Variants in RUBCN observed in about 807,000 individuals in gnomAD.
RUBCN encodes run domain Beclin-1-interacting and cysteine-rich domain-containing protein.
RUBCN carries 74 observed loss-of-function variants against 113.2 expected under a neutral mutation model. The ratio of observed to expected loss-of-function variants is 0.65; its 90% CI spans 0.54 to 0.79. The LOEUF (loss-of-function observed/expected upper bound fraction) is 0.79, where lower values mean the gene tolerates loss of function less well. RUBCN is among the 30% of genes least tolerant of loss of function. The pLI, the probability that RUBCN is intolerant of heterozygous loss-of-function variation, is 0.00. For synonymous variants in RUBCN, 480 were observed against 490.0 expected (o/e 0.98, Z 0.27); for missense variants, 1,109 against 1,251.7 (o/e 0.89, Z 1.72).
At chr3:197,679,303 A>C (rs1252567084) in intron 16 of RUBCN, among the ~76,000 whole-genome samples, 7 of 145,956 alleles carry the variant, frequency 4.8e-5, no homozygotes, top group East Asian at 2.1e-4. Context: ...CTGGCTTCAG[A>C]CTGTCCTACG....
At chr3:197,692,788 T>C (rs1215913477) in intron 11 of RUBCN, among the ~76,000 whole-genome samples, 2 of 152,228 alleles carry the variant, frequency 1.3e-5, no homozygotes, top group African/African-American at 4.8e-5. Context: ...AGTTTCTGAA[T>C]GGGAAGAAAC....
At chr3:197,720,533 G>A (rs1379314209) in intron 1 of RUBCN, among the ~76,000 whole-genome samples, 4 of 151,846 alleles carry the variant, frequency 2.6e-5, no homozygotes, top group South Asian at 2.1e-4. Flanking sequence ...TCAGCCTCCC[G>A]TGTAGCTGGG....
At position 197,718,033 on chromosome 3, in the gene RUBCN, C is replaced by G. The variant is rs1725739259; in HGVS notation, c.163G>C (p.Glu55Gln). ...CTCTGCATGTCCCTGCAAAGCCGCTCCAAGCCACCATACTTAGACCAGACG... is the reference window on the plus strand; with the variant it reads ...CTCTGCATGTCCCTGCAAAGCCGCTGCAAGCCACCATACTTAGACCAGACG... ...PNVWSKYGGL[E>Q]RLCRDMQSIL... Residue 55 changes from glutamate to glutamine, a missense_variant, in exon 2 of 20, where the codon GAG (glutamate) becomes CAG (glutamine). Physicochemically the swap from Glu to Gln is conservative, Grantham distance 29. Around this residue, in one of 3 missense-constraint regions of RUBCN, gnomAD observed 736 missense variants for 779.6 expected, o/e 0.94. Transcript: ENST00000296343. 3 of 1,614,170 alleles carry G rather than the reference C, an allele frequency of 1.9e-6. No homozygotes were observed. Among genetic ancestry groups the G allele is most frequent in the Middle Eastern group, 3.3e-4 (2 of 6,040 alleles).
intron 1 of RUBCN, 80 bp downstream of exon 1, chr3:197,736,575 C>CCG: frequency 2.1e-6 from 3 of 1,426,960 alleles, no homozygotes; most frequent in Non-Finnish European, 2.9e-6. Context: ...GCCCTTCTCT[C>CCG]CGTGACCCCG....
chr3:197,735,152 G>A (rs1471078821), intron 1 of RUBCN, among the ~76,000 whole-genome samples: 1 of 152,216 alleles, frequency 6.6e-6, no homozygotes, highest in Non-Finnish European at 1.5e-5. Context: ...AGCACTTTGG[G>A]AGGCCGACGT....
In RUBCN at chr3:197,681,268, C is replaced by T. The variant is rs200471190; in HGVS notation, c.2291G>A (p.Arg764His). The change falls in exon 16 of 20, where the codon CGC (arginine) becomes CAC (histidine). Residue 764 changes from arginine to histidine, a missense_variant. By Grantham distance (29) the Arg-to-His change is conservative (BLOSUM62 0). Transcript: ENST00000296343. This position sits in a 1 kb window ranked among gnomAD's most constrained non-coding sequence, Gnocchi z 5.5. ...GTAGTACTTGCTGAAGTCCCACTTG[C>T]GCAGAACCCGGCTGGGGATGGCCAT... ...AQMAIPSRVLRKWDFSKYYVS... is the reference protein window; with the variant it reads ...AQMAIPSRVLHKWDFSKYYVS... The T allele has an allele frequency of 5.9e-5, 96 of 1,614,040 alleles. No individual in the cohort carries two copies. Among genetic ancestry groups the T allele is most frequent in the Admixed American group, 8.3e-5 (5 of 59,998 alleles).
At chr3:197,749,711 C>T, upstream of RUBCN, 1 of 632,700 alleles carries the variant, frequency 1.6e-6, no homozygotes, top group Non-Finnish European at 2.9e-6. Flanking sequence ...CAACGGCGGT[C>T]CTCGCGAGCG....
At chr3:197,745,390 C>T (rs1223509578) in intron 1 of RUBCN, among the ~76,000 whole-genome samples, 16 of 150,294 alleles carry the variant, frequency 1.1e-4, no homozygotes, top group African/African-American at 2.9e-4. Flanking sequence ...CTGAGGCGGG[C>T]GGATTACCTG....
chr3:197,681,925 T>C lies in RUBCN; in HGVS notation c.2127-26A>G. The C allele has an allele frequency of 1.9e-6, 3 of 1,596,368 alleles. No individual in the cohort carries two copies. Among genetic ancestry groups the C allele is most frequent in the Non-Finnish European group, 2.6e-6 (3 of 1,164,070 alleles). On this transcript the variant is annotated intron_variant, in intron 14 of 19. Transcript: ENST00000296343. This position sits in a 1 kb window ranked among gnomAD's most constrained non-coding sequence, Gnocchi z 5.5. Reference sequence around the variant, plus strand: ...CTGAGGAAGGGTAAGGACAGGGCATTGGCACAGAGCAGCTGCGTGAGACCT... The same window carrying C: ...CTGAGGAAGGGTAAGGACAGGGCATCGGCACAGAGCAGCTGCGTGAGACCT...
At chr3:197,709,657 G>A (rs892905366) in intron 2 of RUBCN, among the ~76,000 whole-genome samples, 2 of 152,102 alleles carry the variant, frequency 1.3e-5, no homozygotes, top group Non-Finnish European at 2.9e-5. Context: ...TGGGATTACA[G>A]GGGTGAGCCA....
chr3:197,707,268 C>T (rs1349564264), intron 2 of RUBCN, among the ~76,000 whole-genome samples: 1 of 151,804 alleles, frequency 6.6e-6, no homozygotes, highest in East Asian at 1.9e-4. Context: ...GGAGGCAGAG[C>T]TTGCAATGAG....
chr3:197,674,925 A>G lies in RUBCN; in HGVS notation c.*93T>C, dbSNP rs536990024. ...ATGATAATTAAAAAAAAAAAAAAAA[A>G]AAGAAGCCCCAGGTGGGGCGAGTCC... On this transcript the variant is annotated 3_prime_UTR_variant, in exon 20 of 20. Coordinates refer to ENST00000296343, the MANE Select transcript of RUBCN (RefSeq NM_014687.4). The G allele has an allele frequency of 7.3e-4, 808 of 1,104,306 alleles. 8 individuals carry two copies. In the African/African-American group the frequency reaches 0.011, roughly 15 times the overall value. 68.4% of individuals were successfully genotyped at this position (1,104,306 alleles called of 1,614,324 possible).
At chr3:197,736,050 C>T (rs898392789) in intron 1 of RUBCN, among the ~76,000 whole-genome samples, 1 of 152,210 alleles carries the variant, frequency 6.6e-6, no homozygotes, top group Non-Finnish European at 1.5e-5. Context: ...CTGCCACTCT[C>T]TGACAGGGAT....
At position 197,746,728 on chromosome 3, in the gene RUBCN, A is replaced by T. The variant is rs1032376980; in HGVS notation, c.-116+2541T>A. Among the ~76,000 whole-genome samples the T allele has an allele frequency of 6.6e-5, 10 of 152,256 alleles. No individual in the cohort carries two copies. The South Asian group carries it at 2.1e-3, about 32-fold the overall frequency. ...CAATCCTGGAGGTTGTTTTATCTAC[A>T]TTGTGTGAAACGAAGTCTTTTAAAA... On this transcript the variant is annotated intron_variant, in intron 1 of 20. Transcript: ENST00000273582.
In RUBCN at chr3:197,700,908, A is replaced by T. The variant is rs537037792; in HGVS notation, c.966T>A (p.Pro322=). The T allele has an allele frequency of 6.8e-6, 11 of 1,614,198 alleles. No individual in the cohort carries two copies. Among genetic ancestry groups the T allele is most frequent in the Non-Finnish European group, 9.3e-6 (11 of 1,180,032 alleles). ...NDSPGDASEG[P]EYLAIGNLDP... ...CCAAGTTGCCAATGGCCAGGTACTC[A>T]GGCCCCTCACTGGCATCACCTGGGG... is the stretch of plus-strand genomic sequence containing the variant. Residue 322 remains proline (P), a synonymous_variant, in exon 7 of 20, where the codon CCT becomes CCA. Coordinates refer to ENST00000296343, the MANE Select transcript of RUBCN (RefSeq NM_014687.4).
chr3:197,723,990 C>G (rs956317558), intron 1 of RUBCN, among the ~76,000 whole-genome samples: 5 of 151,994 alleles, frequency 3.3e-5, no homozygotes, highest in East Asian at 3.9e-4. Flanking sequence ...CCCAGCTACT[C>G]GAGAGGCTGA....
chr3:197,720,409 G>A (rs766936395), intron 1 of RUBCN, among the ~76,000 whole-genome samples: 2 of 151,594 alleles, frequency 1.3e-5, no homozygotes, highest in Non-Finnish European at 2.9e-5. Context: ...ATCTGTTGAC[G>A]GACATTTTTT....
At position 197,668,951 on chromosome 3, in the gene RUBCN, C is replaced by T. The variant is rs924999287; in HGVS notation, c.*6067G>A. On this transcript the variant is annotated 3_prime_UTR_variant, in exon 20 of 20. Transcript: ENST00000296343. ...TAAGAGGAAAAAATACTCCACAATG[C>T]CACCATTCTAACAGAACCACACTAA... Among the ~76,000 whole-genome samples the T allele has an allele frequency of 4.6e-5, 7 of 152,132 alleles. No individual in the cohort carries two copies. Among genetic ancestry groups the T allele is most frequent in the Non-Finnish European group, 8.8e-5 (6 of 68,028 alleles).
rs761026949 is a variant in RUBCN, at chr3:197,681,244, T to C, written c.2315A>G (p.Tyr772Cys). ...VLRKWDFSKY[Y>C]VSNFSKDLLI... is the part of the protein sequence containing the mutation. ...CAGGTCCTTGGAGAAGTTGCTGACG[T>C]AGTACTTGCTGAAGTCCCACTTGCG... The change falls in exon 16 of 20, where the codon TAC becomes TGC. Residue 772 changes from tyrosine to cysteine, a missense_variant. Transcript: ENST00000296343. This position sits in a 1 kb window ranked among gnomAD's most constrained non-coding sequence, Gnocchi z 5.5. 2 of 1,614,138 alleles carry C rather than the reference T, an allele frequency of 1.2e-6. No homozygotes were observed. Among genetic ancestry groups the C allele is most frequent in the Non-Finnish European group, 1.7e-6 (2 of 1,179,984 alleles).
Sources: gnomAD v4.1 joint callset for allele counts (sites outside exome capture counted in the v4.1 genomes callset) on GRCh38, gnomAD v4.1.1 for gene constraint, gnomAD v4.1.1 regional missense constraint, Gnocchi (gnomAD v3.1) non-coding constraint, MANE v1.5 for transcripts, NCBI Gene and HGNC (gene_info 2026-07-23, HGNC 2026-07-21) for gene names.